EPHA5: variants seen among roughly 807,000 people sequenced by gnomAD.
EPHA5 encodes EPH receptor A5.
In EPHA5, 60 loss-of-function variants were observed where a neutral mutation model predicts 105.0. The observed-to-expected ratio is 0.57, with a 90% CI of 0.46 to 0.71. The LOEUF (loss-of-function observed/expected upper bound fraction) is 0.71, where lower values mean the gene tolerates loss of function less well. Among genes scored for constraint, EPHA5 ranks in the 30% least tolerant of loss-of-function variants. EPHA5 has a pLI of 0.00. For missense variants in EPHA5, 1,218 were observed against 1,274.7 expected (o/e 0.96, Z 0.68); for synonymous variants, 513 against 449.1 (o/e 1.14, Z -1.80).
chr4:65,561,131 A>G (rs1439448458), intron 3 of EPHA5, among the ~76,000 whole-genome samples: 1 of 152,056 alleles, frequency 6.6e-6, no homozygotes, highest in East Asian at 1.9e-4. Flanking sequence ...ACATGATGGA[A>G]AAAAAATTTC....
chr4:65,447,847 A>C (rs139591877), intron 5 of EPHA5, among the ~76,000 whole-genome samples: 1,716 of 152,146 alleles, frequency 0.011, 36 homozygotes, highest in African/African-American at 0.04. Context: ...TTTTAAGATA[A>C]CCTAATAAGA....
At chr4:65,591,853 TACTA>T (rs201589172) in intron 3 of EPHA5, among the ~76,000 whole-genome samples, 3,981 of 152,238 alleles carry the variant, frequency 0.026, 187 homozygotes, top group African/African-American at 0.091. Context: ...CTTTTTTAGA[TACTA>T]ACTATTTAGT....
At chr4:65,441,251 G>T (rs1033256025) in intron 5 of EPHA5, among the ~76,000 whole-genome samples, 1 of 151,670 alleles carries the variant, frequency 6.6e-6, no homozygotes. Flanking sequence ...CAAATGACCT[G>T]TAAACATGAA....
chr4:65,490,140 T>A (rs902207150), intron 5 of EPHA5, among the ~76,000 whole-genome samples: 1 of 152,226 alleles, frequency 6.6e-6, no homozygotes, highest in African/African-American at 2.4e-5. Flanking sequence ...AATGAAAAAA[T>A]TCAATTAAAA....
chr4:65,564,862 G>C (rs1001046551), intron 3 of EPHA5, among the ~76,000 whole-genome samples: 4 of 151,652 alleles, frequency 2.6e-5, no homozygotes, highest in Non-Finnish European at 4.4e-5. Flanking sequence ...CTCATTACTT[G>C]CATTTCTAAT....
chr4:65,641,305 T>C (rs1306350088), intron 2 of EPHA5, among the ~76,000 whole-genome samples: 1 of 152,206 alleles, frequency 6.6e-6, no homozygotes, highest in Non-Finnish European at 1.5e-5. Flanking sequence ...TTCAGTCATT[T>C]TTCTTAAATA....
intron 8 of EPHA5, among the ~76,000 whole-genome samples, chr4:65,374,247 A>T (rs1718771169): frequency 6.6e-6 from 1 of 151,954 alleles, no homozygotes; most frequent in Admixed American, 6.6e-5. Flanking sequence ...TCTGAGTTTC[A>T]TTCAGAAATA....
At chr4:65,426,572 T>C (rs1356286819) in intron 5 of EPHA5, among the ~76,000 whole-genome samples, 2 of 152,194 alleles carry the variant, frequency 1.3e-5, no homozygotes, top group African/African-American at 4.8e-5. Context: ...ATATATCTCA[T>C]GTGCCTTGAA....
intron 16 of EPHA5, among the ~76,000 whole-genome samples, chr4:65,328,746 G>T (rs1282730697): frequency 6.6e-6 from 1 of 150,962 alleles, no homozygotes; most frequent in East Asian, 2.0e-4. Context: ...ATTTAACCAT[G>T]GTCTGTTAAT....
At chr4:65,564,119 T>C (rs1739293228) in intron 3 of EPHA5, among the ~76,000 whole-genome samples, 1 of 151,972 alleles carries the variant, frequency 6.6e-6, no homozygotes, top group South Asian at 2.1e-4. Context: ...CTGATTTTAC[T>C]TGTGCATACA....
chr4:65,348,793 G>T (rs4033846), intron 13 of EPHA5, among the ~76,000 whole-genome samples: 1 of 42,852 alleles, frequency 2.3e-5, no homozygotes, highest in African/African-American at 1.0e-4. Context: ...GTGTGTGTGT[G>T]TATATATATA....
chr4:65,549,160 A>G (rs1019085251), intron 3 of EPHA5, among the ~76,000 whole-genome samples: 9 of 152,152 alleles, frequency 5.9e-5, no homozygotes, highest in Non-Finnish European at 1.2e-4. Context: ...TTACAATGAA[A>G]TAAGAAAAAG....
At chr4:65,521,340 C>T (rs1333163629) in intron 3 of EPHA5, among the ~76,000 whole-genome samples, 1 of 151,946 alleles carries the variant, frequency 6.6e-6, no homozygotes, top group African/African-American at 2.4e-5. Context: ...CCCTTGGACA[C>T]AGGAAGGGGA....
chr4:65,322,704 A>G lies in EPHA5; in HGVS notation c.*1410T>C, dbSNP rs1429662196. ...ATAATACCTTGGATTGGTTCAATAA[A>G]ATAAACTCAAAGCCATGTAACTGAA... On this transcript the variant is annotated 3_prime_UTR_variant, in exon 17 of 17. Coordinates refer to ENST00000613740, the MANE Select transcript of EPHA5 (RefSeq NM_001281766.3). 7 of 225,900 alleles carry G rather than the reference A, an allele frequency of 3.1e-5. No homozygotes were observed. The highest frequency in any genetic ancestry group is 6.2e-5 in the Non-Finnish European group (7 of 113,428). The allele number at this position is 225,900 out of a possible 1,614,324, so 14.0% of individuals were successfully genotyped here.
At chr4:65,503,226 A>G (rs1326547615) in intron 3 of EPHA5, among the ~76,000 whole-genome samples, 1 of 151,800 alleles carries the variant, frequency 6.6e-6, no homozygotes, top group Non-Finnish European at 1.5e-5. Flanking sequence ...ATCACGTAAT[A>G]TATCCGTGTA....
chr4:65,506,442 T>G (rs1194236853), intron 3 of EPHA5, among the ~76,000 whole-genome samples: 1 of 145,530 alleles, frequency 6.9e-6, no homozygotes, highest in Non-Finnish European at 1.5e-5. Flanking sequence ...TCCACAATGG[T>G]TGAAGCAGTT....
intron 3 of EPHA5, among the ~76,000 whole-genome samples, chr4:65,531,227 C>T (rs1735761337): frequency 1.3e-5 from 2 of 149,704 alleles, no homozygotes; most frequent in African/African-American, 2.5e-5. Flanking sequence ...TTAGTAGAGA[C>T]GGGGTTTCAC....
At chr4:65,563,533 C>G (rs147262458) in intron 3 of EPHA5, among the ~76,000 whole-genome samples, 1,575 of 152,028 alleles carry the variant, frequency 0.01, 23 homozygotes, top group African/African-American at 0.036. Flanking sequence ...GGAGTTAGAA[C>G]TTTAAAAATT....
intron 5 of EPHA5, among the ~76,000 whole-genome samples, chr4:65,456,611 A>G (rs1727617424): frequency 6.6e-6 from 1 of 152,188 alleles, no homozygotes; most frequent in Admixed American, 6.5e-5. Flanking sequence ...GAAATGTTTA[A>G]TTAAATTTCT....
Sources: allele counts gnomAD v4.1 joint callset (sites outside exome capture counted in the v4.1 genomes callset), GRCh38; gene constraint gnomAD v4.1.1; transcripts MANE v1.5; gene names NCBI Gene and HGNC (gene_info 2026-07-23, HGNC 2026-07-21).